Variants in CYP3A43 observed in about 807,000 individuals in gnomAD.
CYP3A43 encodes the protein cytochrome P450 3A43.
CYP3A43 carries 45 observed loss-of-function variants against 58.0 expected under a neutral mutation model. The observed-to-expected ratio is 0.78, with a 90% confidence interval of 0.61 to 0.99. The LOEUF is 0.99. Among genes scored for constraint, CYP3A43 ranks in the 50% least tolerant of loss-of-function variants. The pLI is 0.00. For synonymous variants in CYP3A43, 191 were observed against 201.4 expected (o/e 0.95, Z 0.44); for missense variants, 593 against 591.9 (o/e 1.00, Z -0.02).
chr7:99,843,469 A>AT (rs936222106), intron 3 of CYP3A43, among the ~76,000 whole-genome samples: 6 of 151,304 alleles, frequency 4.0e-5, no homozygotes, highest in East Asian at 1.9e-4. Context: ...TGTTTATTTT[A>AT]TTTTTTTTTA....
intron 5 of CYP3A43, 46 bp from the exon 6 acceptor site, chr7:99,848,120 G>A (rs759975587): frequency 6.3e-7 from 1 of 1,586,516 alleles, no homozygotes; most frequent in Non-Finnish European, 8.6e-7. Context: ...ATGTCCTTCT[G>A]AGACTCGAGT....
intron 11 of CYP3A43, 146 bp from the exon 12 acceptor site, chr7:99,863,391 G>A (rs1818317201): frequency 1.5e-5 from 7 of 465,776 alleles, no homozygotes; most frequent in Non-Finnish European, 1.5e-5. Flanking sequence ...AGCCGGCCAG[G>A]TGTGGTGGCT....
intron 4 of CYP3A43, 145 bp from the exon 5 acceptor site, chr7:99,847,343 A>G (rs1817574483): frequency 2.9e-6 from 2 of 700,684 alleles, no homozygotes; most frequent in East Asian, 5.7e-5. Context: ...ATAAATCTTT[A>G]TTGAGCATCT....
At chr7:99,862,581 G>C (rs746994632) in intron 11 of CYP3A43, among the ~76,000 whole-genome samples, 27 of 152,188 alleles carry the variant, frequency 1.8e-4, no homozygotes, top group Non-Finnish European at 3.5e-4. Flanking sequence ...GATATTCTGG[G>C]AATTCAGAGC....
Position 99,865,961 on chromosome 7 carries a change from T to C in CYP3A43, c.1472T>C (p.Leu491Pro), listed in dbSNP as rs1410277036. ...PILQPEKPIVLKVHLRDGITS... is the reference protein window; with the variant it reads ...PILQPEKPIVPKVHLRDGITS... ...CTTCAACCAGAAAAACCTATTGTTC[T>C]AAAAGTGCACTTAAGAGATGGGATT... is the stretch of plus-strand genomic sequence containing the variant. The change falls in exon 13 of 13, where the codon CTA becomes CCA. Residue 491 changes from leucine (L) to proline (P), a missense_variant. Coordinates refer to ENST00000354829, the MANE Select transcript of CYP3A43 (RefSeq NM_057095.3). 6.2e-7 allele frequency: 1 copy of C among 1,608,080 alleles called. No individual in the cohort carries two copies. Among genetic ancestry groups the C allele is most frequent in the Non-Finnish European group, 8.5e-7 (1 of 1,177,332 alleles).
Position 99,848,259 on chromosome 7 carries a change from G to A in CYP3A43, c.521+5G>A. ...CAAGTCCATCAACTTGAAAGAGTAA[G>A]TAGCACAGTCTTGAGGTTCTGAGCT... On this transcript the variant is annotated splice_donor_5th_base_variant and intron_variant, in intron 6 of 12. Transcript: ENST00000354829. 3 of 1,613,942 alleles carry A rather than the reference G, an allele frequency of 1.9e-6. No individual in the cohort carries two copies. The highest frequency in any genetic ancestry group is 2.2e-5 in the South Asian group (2 of 91,046).
chr7:99,859,949 C>T lies in CYP3A43; in HGVS notation c.985C>T (p.Gln329Ter), dbSNP rs749559989. ...YELATHPDVQ[Q>*]KLQEEIDAVL... is the part of the protein sequence containing the mutation. ...ACTGGCCACTCACCCTGATGTCCAG[C>T]AGAAACTGCAGGAGGAGATTGACGC... is the stretch of plus-strand genomic sequence containing the variant. Residue 329 changes from glutamine (Q) to a stop codon, truncating the protein, a stop_gained, in exon 10 of 13, where the codon CAG becomes TAG. Coordinates refer to ENST00000354829, the MANE Select transcript of CYP3A43 (RefSeq NM_057095.3). LOFTEE classifies it high-confidence loss of function. 1 of 1,612,458 alleles carries T rather than the reference C, an allele frequency of 6.2e-7. No individual in the cohort carries two copies. Among genetic ancestry groups the T allele is most frequent in the East Asian group, 2.2e-5 (1 of 44,806 alleles).
Position 99,861,707 on chromosome 7 carries a change from C to T in CYP3A43, c.1121C>T (p.Thr374Met), listed in dbSNP as rs150911868. ...LRLFPVVSRV[T>M]RVCKKDIEIN... ...TTATTCCCAGTTGTTAGTAGAGTTA[C>T]GAGAGTCTGCAAGAAAGATATTGAA... The change falls in exon 11 of 13, where the codon ACG becomes ATG. Residue 374 changes from threonine to methionine, a missense_variant. Thr to Met is a moderately conservative substitution (Grantham distance 81). Transcript: ENST00000354829. 4.5e-5 allele frequency: 72 copies of T among 1,614,106 alleles called. No individual in the cohort carries two copies. The highest frequency in any genetic ancestry group is 5.3e-5 in the Non-Finnish European group (63 of 1,180,016).
chr7:99,853,621 A>G (rs902492410), intron 7 of CYP3A43, among the ~76,000 whole-genome samples: 4 of 152,150 alleles, frequency 2.6e-5, no homozygotes, highest in Non-Finnish European at 5.9e-5. Context: ...CAATGGCACG[A>G]TGTTGGCTCA....
intron 3 of CYP3A43, 38 bp from the exon 4 acceptor site, chr7:99,844,105 C>T (rs201727437): frequency 1.1e-4 from 173 of 1,530,772 alleles, no homozygotes; most frequent in Non-Finnish European, 1.4e-4. Flanking sequence ...CAGAATCAGG[C>T]AAGCGAGGTT....
intron 11 of CYP3A43, 140 bp downstream of exon 11, chr7:99,861,979 A>C: frequency 1.4e-6 from 1 of 699,198 alleles, no homozygotes; most frequent in Non-Finnish European, 2.3e-6. Flanking sequence ...ATAACTGTTA[A>C]ACTTTACAAA....
chr7:99,866,018 C>A lies in CYP3A43; in HGVS notation c.*17C>A, dbSNP rs533331220. 6.6e-7 allele frequency: 1 copy of A among 1,521,266 alleles called. No individual in the cohort carries two copies. The highest frequency in any genetic ancestry group is 9.0e-7 in the Non-Finnish European group (1 of 1,113,142). 94.2% of individuals were successfully genotyped at this position (1,521,266 alleles called of 1,614,324 possible). ...GGACCCTGACTTTCCCTAAGGACTT[C>A]CACTTTGTTCAAGAAAGCTGTATCC... On this transcript the variant is annotated 3_prime_UTR_variant, in exon 13 of 13. Coordinates refer to ENST00000354829, the MANE Select transcript of CYP3A43 (RefSeq NM_057095.3).
chr7:99,849,536 C>T lies in CYP3A43; in HGVS notation c.522-10C>T, dbSNP rs769355923. 4 of 1,585,828 alleles carry T rather than the reference C, an allele frequency of 2.5e-6. No individual in the cohort carries two copies. Among genetic ancestry groups the T allele is most frequent in the Middle Eastern group, 3.4e-4 (2 of 5,906 alleles). ...GCTGGTTTTAATTTTCCATGTTTTA[C>T]TCTACTCAGTTTCTTTGGGGCCTAC... On this transcript the variant is annotated splice_polypyrimidine_tract_variant and intron_variant, in intron 6 of 12. Coordinates refer to ENST00000354829, the MANE Select transcript of CYP3A43 (RefSeq NM_057095.3).
At chr7:99,839,196 T>G in intron 3 of CYP3A43, 24 bp downstream of exon 3, 1 of 1,613,440 alleles carries the variant, frequency 6.2e-7, no homozygotes, top group South Asian at 1.1e-5. Context: ...AAACTTGCAT[T>G]GGATAGAGCT....
At chr7:99,840,586 G>GT (rs766448839) in intron 3 of CYP3A43, among the ~76,000 whole-genome samples, 3 of 152,048 alleles carry the variant, frequency 2.0e-5, no homozygotes, top group Non-Finnish European at 4.4e-5. Context: ...GAGCTAATTG[G>GT]TGCCTTACAC....
chr7:99,844,940 G>A (rs1232617391), intron 4 of CYP3A43, among the ~76,000 whole-genome samples: 1 of 151,950 alleles, frequency 6.6e-6, no homozygotes, highest in African/African-American at 2.4e-5. Flanking sequence ...ATGGTGGTGG[G>A]CACCTGTAGT....
rs747506835 is a variant in CYP3A43, at chr7:99,866,082, C to T, written c.*81C>T. On this transcript the variant is annotated 3_prime_UTR_variant, in exon 13 of 13. Transcript: ENST00000354829. The stretch of plus-strand genomic sequence containing the variant: ...ACTTCAAATTGTTTTGTGAATAAAA[C>T]TCAGAAATGAAGATGAGCTTAATTA... The T allele has an allele frequency of 4.6e-6, 4 of 873,300 alleles. No homozygotes were observed. The highest frequency in any genetic ancestry group is 6.9e-6 in the Non-Finnish European group (4 of 576,504). The allele number at this position is 873,300 out of a possible 1,614,324, so 54.1% of individuals were successfully genotyped here.
intron 7 of CYP3A43, among the ~76,000 whole-genome samples, chr7:99,850,925 T>G (rs908464586): frequency 6.6e-6 from 1 of 152,164 alleles, no homozygotes; most frequent in Non-Finnish European, 1.5e-5. Context: ...TCCCAGCACT[T>G]TGGGAGGCCG....
chr7:99,858,503 C>T (rs535587550), intron 9 of CYP3A43, among the ~76,000 whole-genome samples: 6 of 151,858 alleles, frequency 4.0e-5, no homozygotes, highest in Non-Finnish European at 5.9e-5. Context: ...AAATGCTGTT[C>T]GGTGAGCATG....
Sources: gnomAD v4.1 joint callset for allele counts (sites outside exome capture counted in the v4.1 genomes callset) on GRCh38, gnomAD v4.1.1 for gene constraint, MANE v1.5 for transcripts, NCBI Gene and HGNC (gene_info 2026-07-23, HGNC 2026-07-21) for gene names.